The following VPS41 variants were observed in gnomAD, a reference collection of about 807,000 sequenced individuals.
The protein encoded by VPS41 is vacuolar protein sorting-associated protein 41 homolog.
Under a neutral mutation model 130.9 loss-of-function variants are expected in VPS41, and 85 were observed. The observed-to-expected ratio is 0.65, with a 90% CI of 0.55 to 0.78. VPS41 has a LOEUF of 0.78. Among genes scored for constraint, VPS41 ranks in the 30% least tolerant of loss-of-function variants. The pLI is 0.00. For missense variants in VPS41, 874 were observed against 1,018.7 expected (o/e 0.86, Z 1.93); for synonymous variants, 335 against 332.9 (o/e 1.01, Z -0.07).
At chr7:38,744,863 T>C (rs951873711) in intron 23 of VPS41, among the ~76,000 whole-genome samples, 4 of 151,934 alleles carry the variant, frequency 2.6e-5, no homozygotes, top group Non-Finnish European at 1.5e-5. Context: ...TGAGAGTGAG[T>C]GCTGTATAAG....
intron 21 of VPS41, among the ~76,000 whole-genome samples, chr7:38,753,926 A>C (rs1467271560): frequency 6.6e-6 from 1 of 152,198 alleles, no homozygotes; most frequent in East Asian, 1.9e-4. Context: ...CTAGGGTGCA[A>C]TGAGATGGGC....
At chr7:38,806,141 A>C (rs1353796704) in intron 7 of VPS41, among the ~76,000 whole-genome samples, 1 of 152,244 alleles carries the variant, frequency 6.6e-6, no homozygotes, top group Non-Finnish European at 1.5e-5. Flanking sequence ...AGCATGTGGT[A>C]AAATAGGTAC....
intron 27 of VPS41, 32 bp from the exon 28 acceptor site, chr7:38,727,020 T>C: frequency 6.7e-7 from 1 of 1,489,292 alleles, no homozygotes; most frequent in Non-Finnish European, 9.0e-7. Context: ...GGAGGAGAAC[T>C]TAATGCAACA....
intron 27 of VPS41, among the ~76,000 whole-genome samples, chr7:38,728,064 A>T (rs1295407443): frequency 2.6e-5 from 4 of 152,180 alleles, no homozygotes; most frequent in Non-Finnish European, 5.9e-5. Context: ...ACTAAAGAAA[A>T]GGGAATGCTA....
intron 2 of VPS41, among the ~76,000 whole-genome samples, chr7:38,883,909 C>A (rs1229843904): frequency 6.6e-6 from 1 of 152,142 alleles, no homozygotes; most frequent in Non-Finnish European, 1.5e-5. Flanking sequence ...CAATAATCAG[C>A]AGAACCTGTT....
At chr7:38,779,882 T>C (rs1784325067) in intron 10 of VPS41, among the ~76,000 whole-genome samples, 2 of 152,322 alleles carry the variant, frequency 1.3e-5, no homozygotes, top group African/African-American at 4.8e-5. Context: ...TTCAAGTAAT[T>C]ACAGACTTTA....
At chr7:38,848,952 G>A (rs1312788878) in intron 4 of VPS41, among the ~76,000 whole-genome samples, 1 of 152,034 alleles carries the variant, frequency 6.6e-6, no homozygotes, top group African/African-American at 2.4e-5. Context: ...TAGGTTCAAG[G>A]GACTCATTTT....
intron 11 of VPS41, among the ~76,000 whole-genome samples, chr7:38,774,686 G>C (rs920683352): frequency 2.6e-5 from 4 of 151,818 alleles, no homozygotes; most frequent in Non-Finnish European, 4.4e-5. Flanking sequence ...CATAGAAAAG[G>C]CTCTTTTATA....
rs373118216 is a variant in VPS41, at chr7:38,728,779, C to T, written c.2272G>A (p.Glu758Lys). 5 of 1,614,134 alleles carry T rather than the reference C, an allele frequency of 3.1e-6. No homozygotes were observed. Among genetic ancestry groups the T allele is most frequent in the Non-Finnish European group, 4.2e-6 (5 of 1,180,024 alleles). Residue 758 changes from glutamate (E) to lysine (K), a missense_variant, in exon 26 of 29, where the codon GAA becomes AAA. Physicochemically the swap from Glu to Lys is moderately conservative, Grantham distance 56 (BLOSUM62 1). Transcript: ENST00000310301. The part of the protein sequence containing the change: ...QDYNLQILLR[E>K]GCKKILVADS... ...GCTACGAGAATCTTCTTGCAGCCTT[C>T]ACGAAGCAGAATCTAATGCATACAT...
intron 9 of VPS41, among the ~76,000 whole-genome samples, chr7:38,791,705 G>C (rs1004614515): frequency 3.9e-5 from 6 of 152,186 alleles, no homozygotes; most frequent in Non-Finnish European, 7.4e-5. Flanking sequence ...GGACAGAGTT[G>C]AGGCTGGAGA....
intron 4 of VPS41, among the ~76,000 whole-genome samples, chr7:38,857,674 T>C (rs1388855474): frequency 6.6e-6 from 1 of 152,186 alleles, no homozygotes; most frequent in Non-Finnish European, 1.5e-5. Flanking sequence ...ATATACCCAC[T>C]GTTGACTAAA....
chr7:38,876,958 T>C (rs1786505453), intron 2 of VPS41, among the ~76,000 whole-genome samples: 1 of 152,124 alleles, frequency 6.6e-6, no homozygotes, highest in Non-Finnish European at 1.5e-5. Flanking sequence ...CAAATAAGCT[T>C]TTCATTTCCT....
intron 1 of VPS41, 62 bp from the exon 2 acceptor site, chr7:38,898,191 G>A: frequency 7.0e-7 from 1 of 1,433,814 alleles, no homozygotes. Context: ...CATTTGCAAG[G>A]GGAAAGAGTC....
intron 4 of VPS41, among the ~76,000 whole-genome samples, chr7:38,841,355 C>T (rs1274214860): frequency 6.6e-6 from 1 of 152,220 alleles, no homozygotes; most frequent in Non-Finnish European, 1.5e-5. Context: ...AGGAACCAAT[C>T]ATCCAAGGTA....
At chr7:38,888,766 A>C (rs189017342) in intron 2 of VPS41, among the ~76,000 whole-genome samples, 1 of 152,228 alleles carries the variant, frequency 6.6e-6, no homozygotes, top group South Asian at 2.1e-4. Context: ...AATTGACCAC[A>C]TAAGTGGAAA....
intron 2 of VPS41, among the ~76,000 whole-genome samples, chr7:38,886,401 C>T (rs879888801): frequency 2.6e-5 from 4 of 152,210 alleles, no homozygotes; most frequent in East Asian, 1.9e-4. Flanking sequence ...TCGCTGCTAA[C>T]GCAGCAGTCT....
intron 2 of VPS41, among the ~76,000 whole-genome samples, chr7:38,871,763 G>C (rs1352006918): frequency 2.6e-5 from 4 of 152,188 alleles, no homozygotes; most frequent in African/African-American, 9.6e-5. Flanking sequence ...TGTTTATTTA[G>C]CAGGTGCATT....
chr7:38,797,362 T>TA (rs1228360467), intron 7 of VPS41, among the ~76,000 whole-genome samples: 20 of 152,040 alleles, frequency 1.3e-4, no homozygotes, highest in African/African-American at 3.1e-4. Flanking sequence ...TGTCACAAAA[T>TA]AAAAAAACAA....
intron 4 of VPS41, among the ~76,000 whole-genome samples, chr7:38,860,091 T>C (rs950386528): frequency 7.2e-5 from 11 of 152,204 alleles, no homozygotes; most frequent in Admixed American, 6.5e-4. Context: ...AACCTTCTTA[T>C]GTAACTGTAG....
Sources: allele counts gnomAD v4.1 joint callset (sites outside exome capture counted in the v4.1 genomes callset), GRCh38; gene constraint gnomAD v4.1.1; transcripts MANE v1.5; gene names NCBI Gene and HGNC (gene_info 2026-07-23, HGNC 2026-07-21).